SLC9C2: variants seen among roughly 807,000 people sequenced by gnomAD.
SLC9C2 encodes sodium/hydrogen exchanger 11.
SLC9C2 carries 75 observed loss-of-function variants against 140.2 expected under a neutral mutation model. The observed-to-expected ratio is 0.53, with a 90% CI of 0.44 to 0.65. The LOEUF is 0.65. Ranked by LOEUF, SLC9C2 falls within the 30% of genes least tolerant of loss-of-function variation. The pLI, the probability that SLC9C2 is intolerant of heterozygous loss-of-function variation, is 0.00. For missense variants in SLC9C2, 1,074 were observed against 1,331.8 expected, an observed-to-expected ratio of 0.81 and a Z score of 3.01; for synonymous variants, 375 against 420.9, an observed-to-expected ratio of 0.89 and a Z score of 1.34.
At chr1:173,523,416 G>A (rs1004193064) in intron 21 of SLC9C2, among the ~76,000 whole-genome samples, 12 of 152,108 alleles carry the variant, frequency 7.9e-5, no homozygotes, top group African/African-American at 2.7e-4. Flanking sequence ...AAAAATGAAA[G>A]TAGGGACTTC....
Position 173,511,029 on chromosome 1 carries a change from CTTTTTT to C in SLC9C2, c.2908-1336_2908-1331del, listed in dbSNP as rs71111066. 8.5e-3 allele frequency among the ~76,000 whole-genome samples: 739 copies of C among 86,754 alleles called. 6 individuals carry two copies. Among genetic ancestry groups the C allele is most frequent in the African/African-American group, 0.036 (656 of 18,338 alleles). The allele number at this position is 86,754 out of a possible 152,430, so 56.9% of individuals were successfully genotyped here. ...CCTGGATTTTTTTTCCTTTCTTTTC[CTTTTTT>C]TTTTTTTTTTTTTTTTTTGAGACAG... On this transcript the variant is annotated intron_variant, in intron 23 of 27. Transcript: ENST00000367714.
intron 26 of SLC9C2, among the ~76,000 whole-genome samples, chr1:173,503,659 T>C (rs1326635372): frequency 6.6e-6 from 1 of 152,238 alleles, no homozygotes. Context: ...GCCCTATCTA[T>C]TGCCACATAC....
chr1:173,509,214 T>G (rs952581524), intron 24 of SLC9C2, among the ~76,000 whole-genome samples: 2 of 151,798 alleles, frequency 1.3e-5, no homozygotes, highest in African/African-American at 4.8e-5. Flanking sequence ...GAGGCCGAGG[T>G]GAGTAGATCA....
intron 13 of SLC9C2, among the ~76,000 whole-genome samples, chr1:173,538,622 CAG>C (rs993538571): frequency 1.3e-5 from 2 of 152,028 alleles, no homozygotes; most frequent in Non-Finnish European, 2.9e-5. Flanking sequence ...GAGATGGGAT[CAG>C]AGAGAGTTTC....
At chr1:173,583,723 G>A in intron 5 of SLC9C2, 101 bp from the exon 6 acceptor site, 1 of 680,702 alleles carries the variant, frequency 1.5e-6, no homozygotes, top group Non-Finnish European at 2.4e-6. Flanking sequence ...AAAGAAAAAA[G>A]AGAAAGAACA....
chr1:173,570,979 T>A (rs1027145479), intron 9 of SLC9C2, among the ~76,000 whole-genome samples: 2 of 152,200 alleles, frequency 1.3e-5, no homozygotes, highest in African/African-American at 4.8e-5. Flanking sequence ...CTTTCTGCAA[T>A]ATGAATTTTA....
chr1:173,599,519 C>G (rs1666653916), intron 3 of SLC9C2, among the ~76,000 whole-genome samples: 1 of 151,050 alleles, frequency 6.6e-6, no homozygotes, highest in Admixed American at 6.6e-5. Context: ...GGACTACAGG[C>G]GCCCGCCACA....
chr1:173,516,000 C>T (rs1422931767), intron 23 of SLC9C2, among the ~76,000 whole-genome samples: 1 of 152,168 alleles, frequency 6.6e-6, no homozygotes, highest in Non-Finnish European at 1.5e-5. Context: ...AGATGTCACT[C>T]GAGGAGGCTG....
chr1:173,567,117 G>C (rs1338129683), intron 9 of SLC9C2, among the ~76,000 whole-genome samples: 1 of 152,070 alleles, frequency 6.6e-6, no homozygotes, highest in East Asian at 1.9e-4. Flanking sequence ...TGATCCATGT[G>C]CTGAGGAGAA....
intron 19 of SLC9C2, among the ~76,000 whole-genome samples, chr1:173,525,313 G>A (rs1661123094): frequency 6.6e-6 from 1 of 152,140 alleles, no homozygotes; most frequent in Non-Finnish European, 1.5e-5. Flanking sequence ...ACTTTGGCTG[G>A]TGGGTCTTTC....
Position 173,529,961 on chromosome 1 carries a change from G to C in SLC9C2, c.2257C>G (p.Gln753Glu). 6.2e-7 allele frequency: 1 copy of C among 1,612,782 alleles called. No homozygotes were observed. The highest frequency in any genetic ancestry group is 8.5e-7 in the Non-Finnish European group (1 of 1,179,746). ...TTTATTAGAAGTTTGGCATCTTCTT[G>C]ACTTTTGATATAGCCTTTTGTAATA... ...YSITKGYIKSQEDAKLLIKQI... is the reference protein window; with the variant it reads ...YSITKGYIKSEEDAKLLIKQI... The change falls in exon 18 of 28, where the codon CAA becomes GAA. Residue 753 changes from glutamine to glutamate, a missense_variant. Gln to Glu is a conservative substitution (Grantham distance 29, BLOSUM62 2). Coordinates refer to ENST00000367714, the MANE Select transcript of SLC9C2 (RefSeq NM_178527.4).
rs564609278 is a variant in SLC9C2, at chr1:173,596,500, G to C, written c.357+1404C>G. Reference sequence around the variant, plus strand: ...ACAGTGGTATCTCATTGTGGTTTTAGTGTGTATTTCTCTAATGACTTAGGA... The same window carrying C: ...ACAGTGGTATCTCATTGTGGTTTTACTGTGTATTTCTCTAATGACTTAGGA... On this transcript the variant is annotated intron_variant, in intron 4 of 27. Coordinates refer to ENST00000367714, the MANE Select transcript of SLC9C2 (RefSeq NM_178527.4). 6 of 152,220 alleles carry C rather than the reference G, an allele frequency of 3.9e-5. No homozygotes were observed. The East Asian group carries it at 1.2e-3, about 29-fold the overall frequency. 9.4% of individuals were successfully genotyped at this position (152,220 alleles called of 1,614,324 possible). A position where few individuals can be genotyped will look rare whatever the true frequency, so the allele number is the denominator to read the frequency against.
chr1:173,573,352 T>G, intron 8 of SLC9C2, 27 bp from the exon 9 acceptor site: 1 of 1,266,728 alleles, frequency 7.9e-7, no homozygotes, highest in Non-Finnish European at 1.1e-6. Flanking sequence ...AGAAATGACA[T>G]TTTAAGCAAT....
intron 4 of SLC9C2, among the ~76,000 whole-genome samples, chr1:173,588,920 A>T (rs1018067826): frequency 6.6e-6 from 1 of 152,132 alleles, no homozygotes; most frequent in African/African-American, 2.4e-5. Flanking sequence ...CAAAAAAAAA[A>T]ATTAAAAATT....
chr1:173,510,799 T>A (rs1324134366), intron 23 of SLC9C2, among the ~76,000 whole-genome samples: 1 of 152,184 alleles, frequency 6.6e-6, no homozygotes, highest in Non-Finnish European at 1.5e-5. Flanking sequence ...TAAACATACA[T>A]GTGCATGTGT....
intron 13 of SLC9C2, among the ~76,000 whole-genome samples, chr1:173,542,103 G>A (rs1662473855): frequency 6.6e-6 from 1 of 152,072 alleles, no homozygotes; most frequent in Non-Finnish European, 1.5e-5. Flanking sequence ...AAAATTGATA[G>A]ACCGCTAGCA....
At chr1:173,509,289 A>C (rs1659870368) in intron 24 of SLC9C2, among the ~76,000 whole-genome samples, 1 of 151,766 alleles carries the variant, frequency 6.6e-6, no homozygotes, top group African/African-American at 2.4e-5. Flanking sequence ...ACTAATAATA[A>C]AAAAAATTAG....
chr1:173,513,037 C>T (rs1003500193), intron 23 of SLC9C2, among the ~76,000 whole-genome samples: 4 of 152,170 alleles, frequency 2.6e-5, no homozygotes, highest in African/African-American at 9.7e-5. Context: ...TGATGTGCTG[C>T]TGGATTTGGT....
Position 173,519,670 on chromosome 1 carries a change from G to A in SLC9C2, c.2739+1631C>T, listed in dbSNP as rs546018059. On this transcript the variant is annotated intron_variant, in intron 22 of 27. Coordinates refer to ENST00000367714, the MANE Select transcript of SLC9C2 (RefSeq NM_178527.4). ...GCAGCTTTTAAGTATCGGACTTGCC[G>A]TATTTCATAAATACTGGCAGCAGTG... Among the ~76,000 whole-genome samples, 17 of 152,284 alleles carry A rather than the reference G, an allele frequency of 1.1e-4. No homozygotes were observed. In the South Asian group the frequency reaches 1.7e-3, roughly 15 times the overall value.
Sources: allele counts gnomAD v4.1 joint callset (sites outside exome capture counted in the v4.1 genomes callset), GRCh38; gene constraint gnomAD v4.1.1; transcripts MANE v1.5; gene names NCBI Gene and HGNC (gene_info 2026-07-23, HGNC 2026-07-21).